Variants in NAV1 observed in about 807,000 individuals in gnomAD.
The protein encoded by NAV1 is neuron navigator 1, also known as pore membrane and/or filament interacting like protein 3.
In NAV1, 18 loss-of-function variants were observed where a neutral mutation model predicts 175.2. That is an observed-to-expected ratio of 0.10 (90% CI 0.07 to 0.15). The LOEUF is 0.15. Among genes scored for constraint, NAV1 ranks in the 10% least tolerant of loss-of-function variants. The probability of loss-of-function intolerance (pLI) is 1.00; values close to 1 mark genes in which losing one functional copy is unlikely to be tolerated. For missense variants in NAV1, 1,731 were observed against 2,436.6 expected (o/e 0.71, Z 6.10); for synonymous variants, 897 against 978.7 (o/e 0.92, Z 1.56).
At chr1:201,638,558 C>G (rs1223002781) in intron 2 of NAV1, among the ~76,000 whole-genome samples, 1 of 152,196 alleles carries the variant, frequency 6.6e-6, no homozygotes, top group Non-Finnish European at 1.5e-5. Flanking sequence ...CCCAGACTTT[C>G]CTGCTGTGGG....
At chr1:201,775,384 C>T (rs1675869067) in intron 3 of NAV1, among the ~76,000 whole-genome samples, 1 of 152,176 alleles carries the variant, frequency 6.6e-6, no homozygotes, top group Non-Finnish European at 1.5e-5. Flanking sequence ...GAAGACTCAC[C>T]TCTAGGAAAT....
intron 11 of NAV1, 83 bp downstream of exon 15, chr1:201,789,875 A>G (rs1384738018): frequency 2.4e-5 from 33 of 1,361,906 alleles, no homozygotes; most frequent in Non-Finnish European, 3.4e-5. Flanking sequence ...GAGTTGGGTA[A>G]CTGGGCGGGG....
chr1:201,790,654 G>A (rs1479120865), intron 12 of NAV1, 35 bp from the exon 17 acceptor site: 6 of 1,613,844 alleles, frequency 3.7e-6, no homozygotes, highest in Non-Finnish European at 5.1e-6. Context: ...TACAGCTTCT[G>A]CAGCCAGTAG....
In NAV1 at chr1:201,787,344, G is replaced by A. The variant is rs1676826821; in HGVS notation, c.2995+767G>A. 2.0e-5 allele frequency among the ~76,000 whole-genome samples: 3 copies of A among 152,158 alleles called. No homozygotes were observed. The highest frequency in any genetic ancestry group is 2.0e-4 in the Admixed American group (3 of 15,280). ...TTTAAATCCATCTCTTCTTTCAGCT[G>A]AGTAAAAGAAATCAGTTAATAAAAG... is the stretch of plus-strand genomic sequence containing the variant. On this transcript the variant is annotated intron_variant, in intron 9 of 29. Coordinates refer to ENST00000367296, the Ensembl canonical transcript of NAV1. This position sits in a 1 kb window ranked among gnomAD's most constrained non-coding sequence, Gnocchi z 4.3.
intron 28 of NAV1, chr1:201,816,857 A>G: frequency 1.9e-6 from 1 of 517,556 alleles, no homozygotes; most frequent in East Asian, 3.4e-5. Flanking sequence ...TCTTTTTAGT[A>G]GAAACAGGGT....
At chr1:201,779,597 T>TTAA (rs1676176563) in intron 3 of NAV1, among the ~76,000 whole-genome samples, 1 of 8,616 alleles carries the variant, frequency 1.2e-4, no homozygotes, top group African/African-American at 4.7e-4. Context: ...GGACTCCGTC[T>TTAA]CAAAAAAAAA....
At chr1:201,659,008 G>A (rs1436774914) in intron 1 of NAV1, among the ~76,000 whole-genome samples, 2 of 152,324 alleles carry the variant, frequency 1.3e-5, no homozygotes, top group South Asian at 4.2e-4. Flanking sequence ...AATTGATTAG[G>A]CCCTACTGTG....
At chr1:201,780,867 C>T (rs1457232966) in intron 4 of NAV1, 145 bp from the exon 9 acceptor site, 1 of 967,674 alleles carries the variant, frequency 1.0e-6, no homozygotes, top group Non-Finnish European at 1.5e-6. Flanking sequence ...TGTTGGAAAC[C>T]CTAGGGGTAT....
intron 1 of NAV1, among the ~76,000 whole-genome samples, chr1:201,685,887 T>C (rs998364313): frequency 3.9e-5 from 6 of 152,202 alleles, no homozygotes; most frequent in Non-Finnish European, 5.9e-5. Flanking sequence ...TGATGATACA[T>C]GATGGATACA....
intron 2 of NAV1, among the ~76,000 whole-genome samples, chr1:201,607,930 A>C (rs1223284140): frequency 6.7e-6 from 1 of 148,682 alleles, no homozygotes; most frequent in East Asian, 2.0e-4. Flanking sequence ...AACAGTAAAA[A>C]CCCTGGAAGA....
chr1:201,612,724 T>C (rs1667888357), intron 2 of NAV1, among the ~76,000 whole-genome samples: 1 of 152,172 alleles, frequency 6.6e-6, no homozygotes, highest in African/African-American at 2.4e-5. Context: ...TACTATTGCA[T>C]TGGAGAAGTT....
intron 1 of NAV1, among the ~76,000 whole-genome samples, chr1:201,655,971 G>T (rs1226955797): frequency 6.6e-6 from 1 of 152,196 alleles, no homozygotes; most frequent in Non-Finnish European, 1.5e-5. Flanking sequence ...GCCCATTCTG[G>T]TGCTGAGGTA....
intron 1 of NAV1, among the ~76,000 whole-genome samples, chr1:201,693,575 G>A (rs919794259): frequency 1.3e-5 from 2 of 152,202 alleles, no homozygotes; most frequent in African/African-American, 4.8e-5. Flanking sequence ...GAGGGGCTCA[G>A]AGATCAAATG....
chr1:201,737,015 G>A (rs562131082), intron 3 of NAV1, among the ~76,000 whole-genome samples: 4 of 151,060 alleles, frequency 2.6e-5, no homozygotes, highest in Non-Finnish European at 5.9e-5. Flanking sequence ...CAAGACAACC[G>A]TGCCACCATA....
chr1:201,800,068 C>G lies in NAV1; in HGVS notation c.3518-3525C>G, dbSNP rs1020989900. 3.3e-5 allele frequency among the ~76,000 whole-genome samples: 5 copies of G among 151,966 alleles called. No homozygotes were observed. The East Asian group carries it at 5.8e-4, about 18-fold the overall frequency. On this transcript the variant is annotated intron_variant, in intron 15 of 29. Transcript: ENST00000367296. ...AGGCTGGAGCACAGTGGTGCTATCG[C>G]AGCTCACTGCAGCCTCGATCCCTGG...
chr1:201,650,597 T>TG (rs1669161648), intron 1 of NAV1, among the ~76,000 whole-genome samples: 1 of 151,170 alleles, frequency 6.6e-6, no homozygotes, highest in Non-Finnish European at 1.5e-5. Context: ...GCTTGGCGGG[T>TG]GGGGAACATG....
chr1:201,700,328 T>C (rs1438178147), intron 1 of NAV1, among the ~76,000 whole-genome samples: 1 of 151,956 alleles, frequency 6.6e-6, no homozygotes, highest in African/African-American at 2.4e-5. Flanking sequence ...AACAGACACA[T>C]GAAAAAATGC....
intron 2 of NAV1, among the ~76,000 whole-genome samples, chr1:201,598,247 G>T (rs16849110): frequency 0.058 from 8,888 of 152,254 alleles, 542 homozygotes; most frequent in African/African-American, 0.16. Flanking sequence ...CTAAGGATAA[G>T]CTTGAAACCT....
intron 2 of NAV1, among the ~76,000 whole-genome samples, chr1:201,632,821 CTCTT>C (rs769985169): frequency 6.6e-6 from 1 of 152,210 alleles, no homozygotes; most frequent in Non-Finnish European, 1.5e-5. Context: ...GCTTTTCTTC[CTCTT>C]TCTTCTCCCT....
Sources: allele counts gnomAD v4.1 joint callset (sites outside exome capture counted in the v4.1 genomes callset), GRCh38; gene constraint gnomAD v4.1.1; non-coding constraint Gnocchi (gnomAD v3.1); transcripts MANE v1.5; gene names NCBI Gene and HGNC (gene_info 2026-07-23, HGNC 2026-07-21).